ABHD18: variants seen among roughly 807,000 people sequenced by gnomAD.
The protein encoded by ABHD18 is cardiolipin-specific deacylase, mitochondrial.
Under a neutral mutation model 65.9 loss-of-function variants are expected in ABHD18, and 55 were observed. The ratio of observed to expected loss-of-function variants is 0.84; its 90% CI spans 0.67 to 1.05. The LOEUF (loss-of-function observed/expected upper bound fraction) is 1.05. Among genes scored for constraint, ABHD18 ranks in the 50% least tolerant of loss-of-function variants. The probability of loss-of-function intolerance (pLI) is 0.00; values close to 1 mark genes in which losing one functional copy is unlikely to be tolerated. For missense variants in ABHD18, 533 were observed against 558.5 expected (o/e 0.95, Z 0.46); for synonymous variants, 181 against 180.2 (o/e 1.00, Z -0.04).
intron 4 of ABHD18, among the ~76,000 whole-genome samples, chr4:128,003,066 T>C (rs1179277529): frequency 6.6e-6 from 1 of 152,126 alleles, no homozygotes; most frequent in East Asian, 1.9e-4. Context: ...TATTTGGTCA[T>C]TGTAGAAATT....
At chr4:128,017,625 C>A in intron 8 of ABHD18, 124 bp downstream of exon 8, 1 of 838,836 alleles carries the variant, frequency 1.2e-6, no homozygotes, top group Non-Finnish European at 1.8e-6. Flanking sequence ...GAAGCAGAAA[C>A]AGATTCCAAA....
At chr4:127,966,844 C>T (rs1014355921) in intron 1 of ABHD18, among the ~76,000 whole-genome samples, 3 of 147,152 alleles carry the variant, frequency 2.0e-5, no homozygotes, top group African/African-American at 7.6e-5. Flanking sequence ...GAGATCACGC[C>T]ACTGCACTCC....
intron 1 of ABHD18, among the ~76,000 whole-genome samples, chr4:127,972,968 A>C (rs1425439015): frequency 6.6e-6 from 1 of 151,988 alleles, no homozygotes; most frequent in East Asian, 1.9e-4. Context: ...AAATATATAA[A>C]CATGATTTAG....
At chr4:128,025,704 G>T (rs1430961381) in intron 10 of ABHD18, among the ~76,000 whole-genome samples, 2 of 152,172 alleles carry the variant, frequency 1.3e-5, no homozygotes, top group Non-Finnish European at 2.9e-5. Flanking sequence ...TTCTGGTTAT[G>T]TCAGTTTACA....
chr4:127,994,679 C>T (rs1751458047), intron 4 of ABHD18, among the ~76,000 whole-genome samples: 1 of 151,988 alleles, frequency 6.6e-6, no homozygotes, highest in African/African-American at 2.4e-5. Context: ...CAAATATTAC[C>T]CAAGATTGAA....
chr4:127,999,364 G>T lies in ABHD18; in HGVS notation c.278+9543G>T, dbSNP rs377377888. 2.0e-3 allele frequency among the ~76,000 whole-genome samples: 305 copies of T among 152,200 alleles called. 1 individual carries two copies. Among genetic ancestry groups the T allele is most frequent in the Non-Finnish European group, 3.2e-3 (217 of 68,008 alleles). On this transcript the variant is annotated intron_variant, in intron 4 of 12. Transcript: ENST00000645843. ...AGCTTAAAATGAAAGAGGCTCCTAG[G>T]TGAAGGTGAGTTGCTGATGTGGAAA...
At chr4:127,979,462 G>A (rs1748575471) in intron 1 of ABHD18, among the ~76,000 whole-genome samples, 1 of 152,204 alleles carries the variant, frequency 6.6e-6, no homozygotes, top group Non-Finnish European at 1.5e-5. Flanking sequence ...GGCTGAGGCA[G>A]GAGAATCATT....
At chr4:127,974,196 T>G (rs916235179) in intron 1 of ABHD18, among the ~76,000 whole-genome samples, 6 of 142,664 alleles carry the variant, frequency 4.2e-5, no homozygotes, top group South Asian at 2.3e-4. Flanking sequence ...CTGTTTTTTT[T>G]TTTTTTTTTT....
intron 9 of ABHD18, among the ~76,000 whole-genome samples, chr4:128,020,815 C>T (rs897197134): frequency 1.3e-5 from 2 of 152,138 alleles, no homozygotes; most frequent in Non-Finnish European, 2.9e-5. Flanking sequence ...TGGTGAACCA[C>T]CTGAGGTCAG....
rs965030060 is a variant in ABHD18 at position 128,018,871 on chromosome 4, G to A, written c.610-1209G>A. On this transcript the variant is annotated intron_variant, in intron 8 of 12. Coordinates refer to ENST00000645843, the MANE Select transcript of ABHD18 (RefSeq NM_001358451.3). ...TCTACTAAAAATACAAAAACTAGCCGGGTGTGGTGGCACGTGCCTGTAATC... is the reference window on the plus strand; with the variant it reads ...TCTACTAAAAATACAAAAACTAGCCAGGTGTGGTGGCACGTGCCTGTAATC... 1.8e-4 allele frequency among the ~76,000 whole-genome samples: 27 copies of A among 151,970 alleles called. 1 individual carries two copies. Among genetic ancestry groups the A allele is most frequent in the Middle Eastern group, 3.4e-3 (1 of 294 alleles).
rs1259759132 is a variant in ABHD18 at position 128,036,136 on chromosome 4, T to A, written c.*323T>A. 5.8e-6 allele frequency: 1 copy of A among 171,078 alleles called. No homozygotes were observed. The highest frequency in any genetic ancestry group is 2.4e-5 in the African/African-American group (1 of 42,196). The allele number at this position is 171,078 out of a possible 1,614,324, so 10.6% of individuals were successfully genotyped here. ...TAATTTATTAAATTAAATAAATTTA[T>A]TCATAGAAACTTTTCTGGGTTTTAG... On this transcript the variant is annotated 3_prime_UTR_variant, in exon 13 of 13. Transcript: ENST00000645843.
intron 1 of ABHD18, among the ~76,000 whole-genome samples, chr4:127,979,637 C>T (rs895850989): frequency 1.1e-4 from 16 of 151,446 alleles, no homozygotes; most frequent in East Asian, 9.7e-4. Context: ...CAATGGCGGC[C>T]GGGCGCAGTG....
intron 10 of ABHD18, among the ~76,000 whole-genome samples, chr4:128,023,776 C>G (rs1042104512): frequency 2.6e-5 from 4 of 152,066 alleles, no homozygotes; most frequent in African/African-American, 9.7e-5. Context: ...CCCAGCTACT[C>G]GGGAGGCTGA....
chr4:128,029,119 A>G (rs1757821663), intron 11 of ABHD18, among the ~76,000 whole-genome samples: 1 of 152,132 alleles, frequency 6.6e-6, no homozygotes, highest in Admixed American at 6.6e-5. Context: ...TGGGAGGCTG[A>G]GGCAGGTGGA....
At chr4:128,011,800 CTAAATATT>C in intron 7 of ABHD18, 100 bp downstream of exon 7, 1 of 593,906 alleles carries the variant, frequency 1.7e-6, no homozygotes. Context: ...AATTGAATAC[CTAAATATT>C]ATGGGGGGGG....
chr4:128,039,152 TA>T lies in ABHD18; in HGVS notation c.*3340del, dbSNP rs1276483025. The T allele has an allele frequency of 4.5e-5, 3 of 65,976 alleles. No homozygotes were observed. Among genetic ancestry groups the T allele is most frequent in the African/African-American group, 1.9e-4 (3 of 15,526 alleles). The allele number at this position is 65,976 out of a possible 1,614,324, so 4.1% of individuals were successfully genotyped here. ...ATATATACACACATATGCATATATA[TA>T]TATATATATATATATATATATATAT... On this transcript the variant is annotated 3_prime_UTR_variant, in exon 13 of 13. Transcript: ENST00000645843.
rs1750957718 is a variant in ABHD18, at chr4:127,991,687, T to G, written c.278+1866T>G. Among the ~76,000 whole-genome samples the G allele has an allele frequency of 2.0e-5, 3 of 152,234 alleles. No individual in the cohort carries two copies. The South Asian group carries it at 6.2e-4, about 31-fold the overall frequency. The stretch of plus-strand genomic sequence containing the variant: ...TAATAAACTATTTGCTGCTTCTGGT[T>G]AGTAGGTGTTTTCTTCTTTTAAGAT... On this transcript the variant is annotated intron_variant, in intron 4 of 12. Coordinates refer to ENST00000645843, the MANE Select transcript of ABHD18 (RefSeq NM_001358451.3).
At position 128,008,933 on chromosome 4, in the gene ABHD18, G is replaced by C. The variant is rs1354721536; in HGVS notation, c.292G>C (p.Val98Leu). 1 of 1,605,570 alleles carries C rather than the reference G, an allele frequency of 6.2e-7. No individual in the cohort carries two copies. Among genetic ancestry groups the C allele is most frequent in the East Asian group, 2.2e-5 (1 of 44,636 alleles). ...ESVIARFQFI[V>L]PKEWNSKYRP... is the part of the protein sequence containing the mutation. ...TTTTAAAAATAGGTTCCAATTTATT[G>C]TGCCTAAAGAATGGAACAGCAAATA... is the stretch of plus-strand genomic sequence containing the variant. Residue 98 changes from valine (V) to leucine (L), a missense_variant, in exon 5 of 13, where the codon GTG (valine) becomes CTG (leucine). By Grantham distance (32) the Val-to-Leu change is conservative. Transcript: ENST00000645843.
At chr4:127,973,011 G>A (rs1275303150) in intron 1 of ABHD18, among the ~76,000 whole-genome samples, 10 of 151,706 alleles carry the variant, frequency 6.6e-5, no homozygotes, top group African/African-American at 2.2e-4. Flanking sequence ...CTCCCCACTC[G>A]TTTCCTTTCT....
Sources: allele counts gnomAD v4.1 joint callset (sites outside exome capture counted in the v4.1 genomes callset), GRCh38; gene constraint gnomAD v4.1.1; transcripts MANE v1.5; gene names NCBI Gene and HGNC (gene_info 2026-07-23, HGNC 2026-07-21).